The following B4GALT5 variants were observed in gnomAD, a reference collection of about 807,000 sequenced individuals.
B4GALT5 encodes UDP-Gal:beta-GlcNAc beta-1,4-galactosyltransferase 5.
Under a neutral mutation model 45.0 loss-of-function variants are expected in B4GALT5, and 11 were observed. The observed-to-expected ratio is 0.24, with a 90% confidence interval of 0.15 to 0.40. B4GALT5 has a LOEUF of 0.40. Ranked by LOEUF, B4GALT5 falls within the 10% of genes least tolerant of loss-of-function variation. B4GALT5 has a pLI of 1.00. For synonymous variants in B4GALT5, 185 were observed against 182.9 expected (o/e 1.01, Z -0.09); for missense variants, 337 against 500.2 (o/e 0.67, Z 3.11).
chr20:49,643,956 T>C (rs1265653143), intron 3 of B4GALT5, among the ~76,000 whole-genome samples: 1 of 135,266 alleles, frequency 7.4e-6, no homozygotes, highest in African/African-American at 2.8e-5. Flanking sequence ...TTTGAGACAG[T>C]CTCGCTCTGT....
chr20:49,640,475 C>T lies in B4GALT5; in HGVS notation c.794+3G>A, dbSNP rs947019403. 1.9e-6 allele frequency: 3 copies of T among 1,577,136 alleles called. No homozygotes were observed. The highest frequency in any genetic ancestry group is 1.7e-4 in the Middle Eastern group (1 of 5,938). On this transcript the variant is annotated splice_donor_region_variant and intron_variant, in intron 6 of 8. Transcript: ENST00000371711. ...TCTTTAATTAAGAAGAAATGATACT[C>T]ACAGATACATATACTTATCCAATTT...
At chr20:49,672,119 T>G (rs2085718587) in intron 1 of B4GALT5, among the ~76,000 whole-genome samples, 1 of 152,220 alleles carries the variant, frequency 6.6e-6, no homozygotes, top group Admixed American at 6.5e-5. Flanking sequence ...TTCCACATAC[T>G]GTTCTTTGGT....
chr20:49,654,302 T>C (rs1173096720), intron 2 of B4GALT5, among the ~76,000 whole-genome samples: 1 of 152,236 alleles, frequency 6.6e-6, no homozygotes, highest in Non-Finnish European at 1.5e-5. Flanking sequence ...AAATTCTGCC[T>C]TAACTGACAG....
intron 1 of B4GALT5, among the ~76,000 whole-genome samples, chr20:49,663,431 C>T (rs1166952913): frequency 1.6e-5 from 2 of 123,014 alleles, no homozygotes; most frequent in Non-Finnish European, 3.7e-5. Context: ...GATATGCACT[C>T]ACATATTTTT....
At chr20:49,708,547 C>G (rs185544097) in intron 1 of B4GALT5, among the ~76,000 whole-genome samples, 1 of 152,326 alleles carries the variant, frequency 6.6e-6, no homozygotes, top group African/African-American at 2.4e-5. Flanking sequence ...TCAAATTTCT[C>G]TTGGAACTAA....
chr20:49,707,478 G>A (rs1240565079), intron 1 of B4GALT5, among the ~76,000 whole-genome samples: 1 of 152,016 alleles, frequency 6.6e-6, no homozygotes, highest in Non-Finnish European at 1.5e-5. Flanking sequence ...AACTGAGTGT[G>A]CTGAGGGATT....
intron 1 of B4GALT5, among the ~76,000 whole-genome samples, chr20:49,684,390 G>A (rs2085776854): frequency 6.6e-6 from 1 of 152,056 alleles, no homozygotes; most frequent in African/African-American, 2.4e-5. Flanking sequence ...GTGAAACCCG[G>A]TCTCTACTAA....
intron 1 of B4GALT5, among the ~76,000 whole-genome samples, chr20:49,659,127 G>A (rs1349447904): frequency 6.6e-6 from 1 of 152,170 alleles, no homozygotes; most frequent in Non-Finnish European, 1.5e-5. Context: ...AAGATTTCAA[G>A]CACCCACATG....
chr20:49,703,416 C>T (rs1189529883), intron 1 of B4GALT5, among the ~76,000 whole-genome samples: 5 of 152,086 alleles, frequency 3.3e-5, no homozygotes, highest in Non-Finnish European at 7.4e-5. Context: ...TCTGCCCAGA[C>T]AATAGTTTCT....
chr20:49,712,753 T>C (rs1473533667), intron 1 of B4GALT5, among the ~76,000 whole-genome samples: 2 of 147,978 alleles, frequency 1.4e-5, no homozygotes, highest in East Asian at 4.1e-4. Flanking sequence ...TCCCCAGGTC[T>C]TCAGTTGAGA....
chr20:49,637,770 C>CT (rs2085560317), intron 7 of B4GALT5, among the ~76,000 whole-genome samples: 1 of 147,174 alleles, frequency 6.8e-6, no homozygotes, highest in South Asian at 2.1e-4. Context: ...CCCATCTCTA[C>CT]TTAAAAAAAA....
At chr20:49,693,418 G>A (rs567121850) in intron 1 of B4GALT5, among the ~76,000 whole-genome samples, 2 of 152,174 alleles carry the variant, frequency 1.3e-5, no homozygotes, top group Non-Finnish European at 2.9e-5. Flanking sequence ...CACCAAACCA[G>A]TAAGTTGCAG....
chr20:49,651,597 A>G (rs2085623010), intron 2 of B4GALT5, among the ~76,000 whole-genome samples: 1 of 152,054 alleles, frequency 6.6e-6, no homozygotes, highest in South Asian at 2.1e-4. Flanking sequence ...TCAAAAAAAA[A>G]AAAGAAGATA....
chr20:49,662,172 T>C (rs1358810455), intron 1 of B4GALT5, among the ~76,000 whole-genome samples: 1 of 152,172 alleles, frequency 6.6e-6, no homozygotes, highest in Non-Finnish European at 1.5e-5. Context: ...TGTGGTTGGC[T>C]TGGTAAGCTA....
chr20:49,678,880 T>C (rs1006129621), intron 1 of B4GALT5, among the ~76,000 whole-genome samples: 13 of 152,176 alleles, frequency 8.5e-5, no homozygotes, highest in African/African-American at 3.1e-4. Context: ...TTGTTAGTGC[T>C]GTTACTGGTA....
intron 7 of B4GALT5, among the ~76,000 whole-genome samples, 168 bp from the exon 8 acceptor site, chr20:49,637,610 A>T (rs181733836): frequency 4.5e-4 from 68 of 152,300 alleles, no homozygotes; most frequent in Admixed American, 2.4e-3. Context: ...GTTAAAACTC[A>T]ATTTTAACTG....
rs770762474 is a variant in B4GALT5, at chr20:49,640,684, TATCTTTA to T, written c.607-26_607-20del. 3.6e-5 allele frequency: 56 copies of T among 1,569,794 alleles called. No homozygotes were observed. In the South Asian group the frequency reaches 6.5e-4, roughly 18 times the overall value. On this transcript the variant is annotated intron_variant, in intron 5 of 8. Transcript: ENST00000371711. Reference sequence around the variant, plus strand: ...TACCAACCTAAAAGAAACAGAACTTTATCTTTAAAAGAATCTTGAAGGAAAATCTTTG... The same window carrying T: ...TACCAACCTAAAAGAAACAGAACTTTAAAGAATCTTGAAGGAAAATCTTTG...
chr20:49,650,473 A>C (rs1020386242), intron 2 of B4GALT5, among the ~76,000 whole-genome samples: 5 of 151,194 alleles, frequency 3.3e-5, no homozygotes, highest in East Asian at 3.9e-4. Flanking sequence ...AAAAAAAAAA[A>C]AAAAAACACA....
At position 49,681,341 on chromosome 20, in the gene B4GALT5, G is replaced by A. The variant is rs73265299; in HGVS notation, c.116-24639C>T. 8.8e-3 allele frequency among the ~76,000 whole-genome samples: 1,330 copies of A among 151,214 alleles called. 19 individuals are homozygous for A. The highest frequency in any genetic ancestry group is 0.031 in the African/African-American group (1,274 of 41,106). ...AAGAGTCAGAGCGCTACATGCATCC[G>A]TAATCAGAATCAAAGAATCCACACT... On this transcript the variant is annotated intron_variant, in intron 1 of 8. Transcript: ENST00000371711.
Sources: gnomAD v4.1 joint callset for allele counts (sites outside exome capture counted in the v4.1 genomes callset) on GRCh38, gnomAD v4.1.1 for gene constraint, MANE v1.5 for transcripts, NCBI Gene and HGNC (gene_info 2026-07-23, HGNC 2026-07-21) for gene names.